Variants in GTF2I observed in about 807,000 individuals in gnomAD.
The protein encoded by GTF2I is general transcription factor II-I.
GTF2I carries 12 observed loss-of-function variants against 67.6 expected under a neutral mutation model. The observed-to-expected ratio is 0.18, with a 90% CI of 0.11 to 0.29. GTF2I has a LOEUF of 0.29. GTF2I is among the 10% of genes least tolerant of loss of function. GTF2I has a pLI of 1.00. For synonymous variants in GTF2I, 149 were observed against 197.0 expected, an observed-to-expected ratio of 0.76 and a Z score of 2.04; for missense variants, 271 against 580.1, an observed-to-expected ratio of 0.47 and a Z score of 5.47.
chr7:74,697,828 G>A (rs1380007166), intron 3 of GTF2I, among the ~76,000 whole-genome samples: 1 of 152,072 alleles, frequency 6.6e-6, no homozygotes, highest in East Asian at 1.9e-4. Flanking sequence ...GAGTGCAGTG[G>A]TGCAATCTTG....
At chr7:74,661,866 CTTTGGAAG>C (rs1804528061) in intron 1 of GTF2I, among the ~76,000 whole-genome samples, 1 of 152,088 alleles carries the variant, frequency 6.6e-6, no homozygotes, top group South Asian at 2.1e-4. Context: ...AATGGGAAAT[CTTTGGAAG>C]TTTGGCTTTT....
Position 74,714,719 on chromosome 7 carries a change from C to T in GTF2I, c.764-138C>T, listed in dbSNP as rs587744276. The T allele has an allele frequency of 5.8e-4, 258 of 445,630 alleles. 2 individuals are homozygous for T. Among genetic ancestry groups the T allele is most frequent in the African/African-American group, 5.2e-3 (244 of 46,780 alleles). The allele number at this position is 445,630 out of a possible 1,614,324, so 27.6% of individuals were successfully genotyped here. The stretch of plus-strand genomic sequence containing the variant: ...AATTGACATTGCTCATCTTGTCAGT[C>T]TTTTTTTTTTTTAATTTTTTTCTTT... On this transcript the variant is annotated intron_variant, in intron 9 of 34. Transcript: ENST00000573035.
intron 1 of GTF2I, among the ~76,000 whole-genome samples, chr7:74,660,195 T>C (rs1554385775): frequency 6.6e-6 from 1 of 151,762 alleles, no homozygotes; most frequent in African/African-American, 2.4e-5. Flanking sequence ...TTTTTTTTTT[T>C]TGCTGCTGTT....
rs377224556 is a variant in GTF2I at position 74,661,187 on chromosome 7, T to A, written c.-6+3119T>A. Among the ~76,000 whole-genome samples the A allele has an allele frequency of 1.4e-4, 22 of 152,192 alleles. No individual in the cohort carries two copies. In the South Asian group the frequency reaches 3.9e-3, roughly 27 times the overall value. On this transcript the variant is annotated intron_variant, in intron 1 of 34. Coordinates refer to ENST00000573035, the MANE Select transcript of GTF2I (RefSeq NM_032999.4). ...GGGCGTCCCCGGGAGAGCTGGCATGTGCGGACTCTGCTTGCTGGGCCCTAC... is the reference window on the plus strand; with the variant it reads ...GGGCGTCCCCGGGAGAGCTGGCATGAGCGGACTCTGCTTGCTGGGCCCTAC...
At chr7:74,705,294 A>G in intron 7 of GTF2I, 76 bp downstream of exon 7, 6 of 877,814 alleles carry the variant, frequency 6.8e-6, no homozygotes, top group Admixed American at 1.9e-5. Flanking sequence ...TTGAGATATC[A>G]GAATATTAAA....
intron 12 of GTF2I, among the ~76,000 whole-genome samples, chr7:74,722,454 G>A (rs1453162649): frequency 6.6e-6 from 1 of 152,156 alleles, no homozygotes; most frequent in Admixed American, 6.6e-5. Flanking sequence ...AGGTCTAGCT[G>A]TCATGGGAGT....
chr7:74,714,786 G>A, intron 9 of GTF2I, 71 bp from the exon 10 acceptor site: 1 of 899,618 alleles, frequency 1.1e-6, no homozygotes, highest in Admixed American at 2.6e-5. Context: ...ACCCAAATTT[G>A]TTGACTAAAG....
intron 1 of GTF2I, among the ~76,000 whole-genome samples, chr7:74,666,519 G>A (rs1804987375): frequency 1.8e-5 from 1 of 56,106 alleles, no homozygotes; most frequent in Admixed American, 2.1e-4. Flanking sequence ...TTCTTTCTTC[G>A]TTTTCCCCCC....
At chr7:74,676,500 T>C (rs1554392431) in intron 1 of GTF2I, among the ~76,000 whole-genome samples, 1 of 152,072 alleles carries the variant, frequency 6.6e-6, no homozygotes, top group African/African-American at 2.4e-5. Flanking sequence ...GCACATTTTC[T>C]ATAGAAGCTA....
At chr7:74,723,866 A>G (rs1562976694) in intron 12 of GTF2I, among the ~76,000 whole-genome samples, 2 of 151,964 alleles carry the variant, frequency 1.3e-5, no homozygotes, top group Non-Finnish European at 1.5e-5. Context: ...AAAAAAAAAA[A>G]AGAGAAGACC....
intron 8 of GTF2I, among the ~76,000 whole-genome samples, chr7:74,709,330 C>T (rs1791211808): frequency 6.6e-6 from 1 of 152,164 alleles, no homozygotes. Context: ...CTCACCACAA[C>T]CTCCGTGTCT....
At chr7:74,690,208 C>T (rs587651296) in intron 2 of GTF2I, among the ~76,000 whole-genome samples, 1 of 151,514 alleles carries the variant, frequency 6.6e-6, no homozygotes, top group African/African-American at 2.4e-5. Context: ...GAGTGGAACT[C>T]TGTCTTAAAA....
chr7:74,688,895 TGA>T, intron 1 of GTF2I: 1 of 447,790 alleles, frequency 2.2e-6, no homozygotes, highest in Non-Finnish European at 4.0e-6. Flanking sequence ...ATTTGGGGTG[TGA>T]TATTGACCCA....
chr7:74,719,441 A>G (rs1246335678), intron 12 of GTF2I, among the ~76,000 whole-genome samples: 1 of 152,224 alleles, frequency 6.6e-6, no homozygotes, highest in African/African-American at 2.4e-5. Context: ...AGCAATAGCT[A>G]CAAATATATT....
intron 8 of GTF2I, among the ~76,000 whole-genome samples, chr7:74,709,447 G>A (rs1218323128): frequency 1.3e-5 from 2 of 151,918 alleles, no homozygotes; most frequent in South Asian, 4.1e-4. Flanking sequence ...TAGTAGAGAC[G>A]GGGTTTAACC....
intron 1 of GTF2I, among the ~76,000 whole-genome samples, chr7:74,688,253 A>G (rs1393764151): frequency 6.6e-6 from 1 of 151,796 alleles, no homozygotes; most frequent in African/African-American, 2.4e-5. Flanking sequence ...TCATTTTTGT[A>G]TTTTTAGTAG....
At chr7:74,663,156 G>A (rs2131183031) in intron 1 of GTF2I, among the ~76,000 whole-genome samples, 1 of 152,272 alleles carries the variant, frequency 6.6e-6, no homozygotes, top group Middle Eastern at 3.4e-3. Context: ...TTGATGACAT[G>A]AATGTTTTAT....
intron 1 of GTF2I, among the ~76,000 whole-genome samples, chr7:74,682,282 T>C (rs990245778): frequency 2.0e-5 from 3 of 152,348 alleles, no homozygotes; most frequent in African/African-American, 7.2e-5. Context: ...TAGTTATTCT[T>C]ACTGAAAACA....
At chr7:74,717,065 T>G in intron 11 of GTF2I, 115 bp downstream of exon 11, 1 of 1,409,166 alleles carries the variant, frequency 7.1e-7, no homozygotes, top group Non-Finnish European at 9.5e-7. Flanking sequence ...ATTCCCTTGG[T>G]ATGCCTTCCT....
Sources: allele counts gnomAD v4.1 joint callset (sites outside exome capture counted in the v4.1 genomes callset), GRCh38; gene constraint gnomAD v4.1.1; transcripts MANE v1.5; gene names NCBI Gene and HGNC (gene_info 2026-07-23, HGNC 2026-07-21).